Variants in FNIP1 observed in about 807,000 individuals in gnomAD.
FNIP1 encodes folliculin interacting protein 1, also known as folliculin-interacting protein 1.
In FNIP1, 40 loss-of-function variants were observed where a neutral mutation model predicts 124.5. That is an observed-to-expected ratio of 0.32 (90% CI 0.25 to 0.42). The LOEUF (loss-of-function observed/expected upper bound fraction) is 0.42. Ranked by LOEUF, FNIP1 falls within the 10% of genes least tolerant of loss-of-function variation. The probability of loss-of-function intolerance (pLI) is 1.00; values close to 1 mark genes in which losing one functional copy is unlikely to be tolerated. For synonymous variants in FNIP1, 472 were observed against 470.6 expected (o/e 1.00, Z -0.04); for missense variants, 1,176 against 1,403.7 (o/e 0.84, Z 2.59).
intron 1 of FNIP1, among the ~76,000 whole-genome samples, chr5:131,764,617 T>C (rs1771357363): frequency 6.6e-6 from 1 of 152,148 alleles, no homozygotes; most frequent in African/African-American, 2.4e-5. Context: ...ACCTATTTAA[T>C]GTTTTTTAAA....
At chr5:131,723,522 T>C (rs575642109) in intron 3 of FNIP1, among the ~76,000 whole-genome samples, 10 of 152,328 alleles carry the variant, frequency 6.6e-5, no homozygotes, top group African/African-American at 1.9e-4. Flanking sequence ...TGGCAAGGTA[T>C]GTATTTTAAT....
intron 11 of FNIP1, among the ~76,000 whole-genome samples, chr5:131,697,177 A>T (rs1768725162): frequency 6.6e-6 from 1 of 152,216 alleles, no homozygotes; most frequent in Non-Finnish European, 1.5e-5. Context: ...GTAAGAGACC[A>T]CACAGTTGTC....
intron 3 of FNIP1, among the ~76,000 whole-genome samples, chr5:131,730,100 C>T (rs1305876391): frequency 1.3e-5 from 2 of 152,064 alleles, no homozygotes; most frequent in Admixed American, 1.3e-4. Flanking sequence ...TGGTGTAAGT[C>T]ATGATGGTGT....
Position 131,730,950 on chromosome 5 carries a change from GAACT to G in FNIP1, c.304_307del (p.Ser102LeufsTer2). On this transcript the variant is annotated frameshift_variant, in exon 3 of 18. Coordinates refer to ENST00000510461, the MANE Select transcript of FNIP1 (RefSeq NM_133372.3). LOFTEE classifies it high-confidence loss of function. ...TTTTATATCAGAAGATGAAGTCACA[GAACT>G]ATCTAAAGAGGAAGAACTGTCTCCT... The G allele has an allele frequency of 6.2e-7, 1 of 1,612,384 alleles. No homozygotes were observed. The highest frequency in any genetic ancestry group is 8.5e-7 in the Non-Finnish European group (1 of 1,179,114).
intron 15 of FNIP1, among the ~76,000 whole-genome samples, chr5:131,655,117 T>A (rs1767152780): frequency 6.6e-6 from 1 of 152,194 alleles, no homozygotes; most frequent in African/African-American, 2.4e-5. Context: ...TGGGTAAAGT[T>A]TTTGGAAATT....
chr5:131,689,315 T>C (rs1768396574), intron 11 of FNIP1, among the ~76,000 whole-genome samples: 1 of 152,128 alleles, frequency 6.6e-6, no homozygotes. Context: ...TAATATATGT[T>C]GAAAGATATT....
chr5:131,782,386 C>CAAAA (rs1772023429), intron 1 of FNIP1, among the ~76,000 whole-genome samples: 1 of 151,522 alleles, frequency 6.6e-6, no homozygotes, highest in South Asian at 2.1e-4. Flanking sequence ...TCGACTCTAC[C>CAAAA]AAAAAACAAA....
chr5:131,692,964 C>T (rs1031864127), intron 11 of FNIP1, among the ~76,000 whole-genome samples: 1 of 150,964 alleles, frequency 6.6e-6, no homozygotes, highest in Non-Finnish European at 1.5e-5. Context: ...ACCAAAATCG[C>T]ACCACTGCAC....
At chr5:131,744,444 C>T (rs957856160) in intron 2 of FNIP1, 120 bp downstream of exon 2, 1 of 968,680 alleles carries the variant, frequency 1.0e-6, no homozygotes, top group Non-Finnish European at 1.5e-6. Flanking sequence ...ATTTCCTTCT[C>T]CCTCAGCCCC....
intron 1 of FNIP1, among the ~76,000 whole-genome samples, chr5:131,767,714 A>T: frequency 6.6e-6 from 1 of 152,334 alleles, no homozygotes; most frequent in South Asian, 2.1e-4. Flanking sequence ...AAGCCTGTAT[A>T]TATAGTAATC....
At chr5:131,719,185 A>C in intron 4 of FNIP1, 125 bp from the exon 5 acceptor site, 1 of 1,124,326 alleles carries the variant, frequency 8.9e-7, no homozygotes, top group Non-Finnish European at 1.3e-6. Flanking sequence ...ATGAAGTAGC[A>C]TTAAAACCAT....
intron 9 of FNIP1, 152 bp from the exon 10 acceptor site, chr5:131,704,418 ATCTACTGGCTAT>A (rs1025061822): frequency 3.2e-6 from 2 of 621,070 alleles, no homozygotes; most frequent in African/African-American, 3.8e-5. Context: ...TCTTTAAGAA[ATCTACTGGCTAT>A]TCTTTCAGGT....
intron 1 of FNIP1, among the ~76,000 whole-genome samples, chr5:131,782,604 AAGGG>A (rs113309235): frequency 9.3e-4 from 137 of 146,594 alleles, no homozygotes; most frequent in African/African-American, 3.0e-3. Context: ...GAAAGGAAGG[AAGGG>A]AGGGAGGGAG....
At chr5:131,700,530 G>T (rs979009427) in intron 10 of FNIP1, among the ~76,000 whole-genome samples, 1 of 152,046 alleles carries the variant, frequency 6.6e-6, no homozygotes. Flanking sequence ...AGCTTCAGAG[G>T]GTGAAAGTGA....
chr5:131,676,393 C>T (rs1767913465), intron 13 of FNIP1, among the ~76,000 whole-genome samples: 1 of 152,028 alleles, frequency 6.6e-6, no homozygotes, highest in East Asian at 2.0e-4. Context: ...AAGTAATCCA[C>T]CCACCTCAGC....
chr5:131,689,109 T>C (rs1020743203), intron 11 of FNIP1, among the ~76,000 whole-genome samples: 1 of 147,590 alleles, frequency 6.8e-6, no homozygotes, highest in Non-Finnish European at 1.5e-5. Flanking sequence ...ACCTTACCTA[T>C]AGAAGAGTAA....
chr5:131,721,541 G>A (rs1769661554), intron 3 of FNIP1, among the ~76,000 whole-genome samples: 1 of 152,152 alleles, frequency 6.6e-6, no homozygotes, highest in South Asian at 2.1e-4. Flanking sequence ...GATCACGCTT[G>A]TAATACCAGC....
chr5:131,764,334 G>T (rs1440241964), intron 1 of FNIP1, among the ~76,000 whole-genome samples: 1 of 147,818 alleles, frequency 6.8e-6, no homozygotes, highest in Non-Finnish European at 1.5e-5. Context: ...TTGAGACAGG[G>T]TCCCACTTTG....
At chr5:131,651,163 G>A (rs925673224) in intron 16 of FNIP1, among the ~76,000 whole-genome samples, 1 of 152,074 alleles carries the variant, frequency 6.6e-6, no homozygotes. Context: ...GCTGGGGCAG[G>A]AGGAACACTT....
Sources: gnomAD v4.1 joint callset for allele counts (sites outside exome capture counted in the v4.1 genomes callset) on GRCh38, gnomAD v4.1.1 for gene constraint, MANE v1.5 for transcripts, NCBI Gene and HGNC (gene_info 2026-07-23, HGNC 2026-07-21) for gene names.